The following ZNF681 variants were observed in gnomAD, a reference collection of about 807,000 sequenced individuals.
The protein encoded by ZNF681 is zinc finger protein 681.
A neutral mutation model predicts 56.0 loss-of-function variants in ZNF681; 37 were observed. The ratio of observed to expected loss-of-function variants is 0.66; its 90% CI spans 0.51 to 0.87. The LOEUF (loss-of-function observed/expected upper bound fraction) is 0.87. Among genes scored for constraint, ZNF681 ranks in the 40% least tolerant of loss-of-function variants. The probability of loss-of-function intolerance (pLI) is 0.00; values close to 1 mark genes in which losing one functional copy is unlikely to be tolerated. For missense variants in ZNF681, 741 were observed against 744.9 expected (o/e 0.99, Z 0.06); for synonymous variants, 225 against 248.6 (o/e 0.91, Z 0.89).
chr19:23,747,179 G>C (rs1054965806), intron 3 of ZNF681, among the ~76,000 whole-genome samples: 14 of 152,092 alleles, frequency 9.2e-5, no homozygotes, highest in African/African-American at 2.9e-4. Context: ...GACTAAGACT[G>C]AATGAAACTG....
intron 3 of ZNF681, among the ~76,000 whole-genome samples, chr19:23,750,916 A>C (rs985416609): frequency 2.0e-5 from 3 of 151,240 alleles, no homozygotes; most frequent in African/African-American, 7.3e-5. Flanking sequence ...CTGAGGTTGA[A>C]GGTTCGAGAC....
rs750250819 is a variant in ZNF681, at chr19:23,744,642, A to C, written c.908T>G (p.Ile303Ser). 5 of 1,596,790 alleles carry C rather than the reference A, an allele frequency of 3.1e-6. No homozygotes were observed. Among genetic ancestry groups the C allele is most frequent in the African/African-American group, 1.3e-5 (1 of 74,272 alleles). Residue 303 changes from isoleucine to serine, a missense_variant, in exon 4 of 4, where the codon ATT (isoleucine) becomes AGT (serine). Physicochemically the swap from Ile to Ser is moderately radical, Grantham distance 142. Coordinates refer to ENST00000402377, the MANE Select transcript of ZNF681 (RefSeq NM_138286.3). Reference sequence around the variant, plus strand: ...TTCATTGAGTTTCTCTCTGGTATGAATTATCTTATGTGTAGTAAGGGTTAA... The same window carrying C: ...TTCATTGAGTTTCTCTCTGGTATGACTTATCTTATGTGTAGTAAGGGTTAA... ...QSLTLTTHKI[I>S]HTREKLNEYK...
At chr19:23,753,058 C>G (rs1328707550) in intron 3 of ZNF681, among the ~76,000 whole-genome samples, 1 of 152,032 alleles carries the variant, frequency 6.6e-6, no homozygotes, top group Non-Finnish European at 1.5e-5. Flanking sequence ...AATTAACGTA[C>G]AAGTTATGGT....
intron 3 of ZNF681, 47 bp from the exon 4 acceptor site, chr19:23,745,370 A>C (rs1262032354): frequency 7.1e-7 from 1 of 1,409,374 alleles, no homozygotes; most frequent in East Asian, 2.5e-5. Flanking sequence ...TAAGACTCTA[A>C]ATATACTTTA....
chr19:23,757,614 A>G (rs1969142326), intron 1 of ZNF681, among the ~76,000 whole-genome samples: 1 of 152,122 alleles, frequency 6.6e-6, no homozygotes, highest in African/African-American at 2.4e-5. Context: ...TTTTTAATTT[A>G]TCTGCTTTTG....
At chr19:23,753,066 G>A (rs953879466) in intron 3 of ZNF681, among the ~76,000 whole-genome samples, 4 of 151,714 alleles carry the variant, frequency 2.6e-5, no homozygotes, top group Non-Finnish European at 4.4e-5. Context: ...TACAAGTTAT[G>A]GTTCCATACA....
chr19:23,744,653 T>C lies in ZNF681; in HGVS notation c.897A>G (p.Thr299=). The part of the protein sequence containing the change: ...KAFNQSLTLT[T]HKIIHTREKL... ...TCTCTCTGGTATGAATTATCTTATG[T>C]GTAGTAAGGGTTAAGGACTGATTAA... The change falls in exon 4 of 4, where the codon ACA becomes ACG. Residue 299 remains threonine, a synonymous_variant. Transcript: ENST00000402377. 1.3e-6 allele frequency: 2 copies of C among 1,596,660 alleles called. No individual in the cohort carries two copies. The highest frequency in any genetic ancestry group is 1.7e-6 in the Non-Finnish European group (2 of 1,167,668).
chr19:23,746,559 G>A (rs117403387), intron 3 of ZNF681, among the ~76,000 whole-genome samples: 221 of 152,096 alleles, frequency 1.5e-3, no homozygotes, highest in Middle Eastern at 3.4e-3. Flanking sequence ...ATTAACAGAG[G>A]GTAAAGTTTT....
intron 1 of ZNF681, among the ~76,000 whole-genome samples, chr19:23,757,735 A>T (rs926412129): frequency 6.6e-6 from 1 of 152,134 alleles, no homozygotes; most frequent in Non-Finnish European, 1.5e-5. Flanking sequence ...CCAGACCTAA[A>T]TAAGGCCTCC....
At chr19:23,757,098 G>A (rs117251234) in intron 1 of ZNF681, among the ~76,000 whole-genome samples, 6 of 151,990 alleles carry the variant, frequency 3.9e-5, no homozygotes, top group Non-Finnish European at 8.8e-5. Flanking sequence ...CTCTTTGCCA[G>A]GCTGGTCTCA....
chr19:23,758,402 G>C (rs1361323680), intron 1 of ZNF681, among the ~76,000 whole-genome samples: 1 of 152,186 alleles, frequency 6.6e-6, no homozygotes, highest in Non-Finnish European at 1.5e-5. Flanking sequence ...GAGAGACTAG[G>C]AACGCCACGG....
At chr19:23,746,290 G>C (rs1968943311) in intron 3 of ZNF681, among the ~76,000 whole-genome samples, 1 of 149,660 alleles carries the variant, frequency 6.7e-6, no homozygotes, top group South Asian at 2.2e-4. Context: ...GTCCAGCCTA[G>C]GTGACAGAGT....
chr19:23,754,055 T>C (rs1161633229), intron 3 of ZNF681, among the ~76,000 whole-genome samples: 1 of 151,894 alleles, frequency 6.6e-6, no homozygotes, highest in Non-Finnish European at 1.5e-5. Flanking sequence ...TCATACTTTA[T>C]AATTTCAAAC....
intron 3 of ZNF681, 45 bp downstream of exon 3, chr19:23,754,778 C>A: frequency 1.4e-6 from 2 of 1,478,504 alleles, no homozygotes; most frequent in East Asian, 2.3e-5. Flanking sequence ...ACCTTTGAAC[C>A]GCTCATCTAT....
At chr19:23,757,976 A>C (rs942664486) in intron 1 of ZNF681, among the ~76,000 whole-genome samples, 1 of 152,200 alleles carries the variant, frequency 6.6e-6, no homozygotes, top group Non-Finnish European at 1.5e-5. Context: ...TTCTAGGGTA[A>C]TTTTATTAAA....
rs530862174 is a variant in ZNF681, at chr19:23,740,638, G to A, written c.*2974C>T. On this transcript the variant is annotated 3_prime_UTR_variant, in exon 4 of 4. Transcript: ENST00000402377. ...TATATAAAAACATCCTCATGATTTA[G>A]GAAGCCCCCCTAGTACTCACCTAAA... 1.1e-4 allele frequency: 17 copies of A among 150,974 alleles called. No individual in the cohort carries two copies. The highest frequency in any genetic ancestry group is 1.9e-4 in the Non-Finnish European group (13 of 67,686). The allele number at this position is 150,974 out of a possible 1,614,324, so 9.4% of individuals were successfully genotyped here.
chr19:23,747,045 G>A (rs1345777719), intron 3 of ZNF681, among the ~76,000 whole-genome samples: 1 of 152,104 alleles, frequency 6.6e-6, no homozygotes, highest in Non-Finnish European at 1.5e-5. Flanking sequence ...GAGCACTTGA[G>A]CCCTGAAGGT....
In ZNF681 at chr19:23,744,310, TC is replaced by T; in HGVS notation, c.1239del (p.Ser414AlafsTer141). 6.2e-7 allele frequency: 1 copy of T among 1,613,834 alleles called. No individual in the cohort carries two copies. On this transcript the variant is annotated frameshift_variant, in exon 4 of 4. Transcript: ENST00000402377. LOFTEE classifies it high-confidence loss of function. ...FNKSSHLTRH[K>X]SIHTGEKPYQ... The stretch of plus-strand genomic sequence containing the variant: ...TAGGGTTTTTCTCCAGTATGAATGC[TC>T]TTATGTCTAGTAAGGTGTGAGGACT...
chr19:23,748,948 A>G lies in ZNF681; in HGVS notation c.227-3625T>C, dbSNP rs1018940211. Among the ~76,000 whole-genome samples the G allele has an allele frequency of 2.0e-5, 3 of 152,170 alleles. No homozygotes were observed. The East Asian group carries it at 5.8e-4, about 29-fold the overall frequency. ...AGCCACTGTTTTAAAATGTTATGTT[A>G]CCCAAATAATTAAAAATGGAATCAT... On this transcript the variant is annotated intron_variant, in intron 3 of 3. Transcript: ENST00000402377.
Sources: gnomAD v4.1 joint callset for allele counts (sites outside exome capture counted in the v4.1 genomes callset) on GRCh38, gnomAD v4.1.1 for gene constraint, MANE v1.5 for transcripts, NCBI Gene and HGNC (gene_info 2026-07-23, HGNC 2026-07-21) for gene names.